The following TMEM41B variants were observed in gnomAD, a reference collection of about 807,000 sequenced individuals.
The protein encoded by TMEM41B is protein stasimon.
In TMEM41B, 18 loss-of-function variants were observed where a neutral mutation model predicts 31.9. The ratio of observed to expected loss-of-function variants is 0.56; its 90% confidence interval spans 0.39 to 0.84. TMEM41B has a LOEUF of 0.84. TMEM41B is among the 40% of genes least tolerant of loss of function. TMEM41B has a pLI of 0.00. For synonymous variants in TMEM41B, 144 were observed against 124.3 expected (o/e 1.16, Z -1.05); for missense variants, 322 against 348.0 (o/e 0.93, Z 0.59).
chr11:9,306,457 C>T (rs367790558), intron 1 of TMEM41B, among the ~76,000 whole-genome samples: 6 of 151,888 alleles, frequency 4.0e-5, no homozygotes, highest in East Asian at 2.0e-4. Flanking sequence ...TCGAGGCGGT[C>T]GGATCATGAG....
intron 1 of TMEM41B, chr11:9,311,560 G>T: frequency 1.7e-6 from 2 of 1,184,354 alleles, no homozygotes; most frequent in Non-Finnish European, 1.2e-6. Context: ...GCTCCTGGGG[G>T]AGGAGGACAG....
At chr11:9,295,156 T>C in intron 3 of TMEM41B, 103 bp downstream of exon 3, 1 of 1,203,160 alleles carries the variant, frequency 8.3e-7, no homozygotes, top group East Asian at 3.0e-5. Flanking sequence ...CACACTGCAA[T>C]AACAAATTTT....
Position 9,294,125 on chromosome 11 carries a change from G to A in TMEM41B, c.368+1134C>T, listed in dbSNP as rs1255701245. The stretch of plus-strand genomic sequence containing the variant: ...GAGCCCAGGAGGCTGAGGCTGCAGT[G>A]AGCCATGATCATGCCACTGCACTCC... On this transcript the variant is annotated intron_variant, in intron 3 of 6. Coordinates refer to ENST00000528080, the MANE Select transcript of TMEM41B (RefSeq NM_015012.4). 2.1e-5 allele frequency among the ~76,000 whole-genome samples: 3 copies of A among 146,180 alleles called. No homozygotes were observed. The East Asian group carries it at 6.1e-4, about 30-fold the overall frequency.
chr11:9,300,739 A>C (rs557856261), intron 1 of TMEM41B, among the ~76,000 whole-genome samples: 1 of 151,876 alleles, frequency 6.6e-6, no homozygotes, highest in Non-Finnish European at 1.5e-5. Context: ...TTAGCTGGGC[A>C]TGGTGGCAGG....
At chr11:9,292,262 T>C (rs537759033) in intron 3 of TMEM41B, among the ~76,000 whole-genome samples, 2 of 152,326 alleles carry the variant, frequency 1.3e-5, no homozygotes, top group African/African-American at 4.8e-5. Context: ...CTATCCTTTA[T>C]CTTATACTAG....
chr11:9,293,236 AG>A (rs1015077914), intron 3 of TMEM41B, among the ~76,000 whole-genome samples: 14 of 151,848 alleles, frequency 9.2e-5, no homozygotes, highest in Admixed American at 2.6e-4. Context: ...CCAAGTAGCT[AG>A]GACTACAGGC....
chr11:9,306,386 T>C (rs906620945), intron 1 of TMEM41B, among the ~76,000 whole-genome samples: 1 of 152,066 alleles, frequency 6.6e-6, no homozygotes, highest in Non-Finnish European at 1.5e-5. Flanking sequence ...GGTACTGTTA[T>C]AGAAAGCCAG....
intron 3 of TMEM41B, among the ~76,000 whole-genome samples, chr11:9,294,305 G>C (rs897466076): frequency 2.0e-5 from 3 of 150,872 alleles, no homozygotes; most frequent in African/African-American, 4.9e-5. Context: ...GACGACCCTG[G>C]CCAACATGGT....
chr11:9,308,538 A>G lies in TMEM41B; in HGVS notation c.121+5783T>C, dbSNP rs541136744. Among the ~76,000 whole-genome samples, 18 of 152,212 alleles carry G rather than the reference A, an allele frequency of 1.2e-4. No homozygotes were observed. In the South Asian group the frequency reaches 3.7e-3, roughly 32 times the overall value. On this transcript the variant is annotated intron_variant, in intron 1 of 6. Coordinates refer to ENST00000528080, the MANE Select transcript of TMEM41B (RefSeq NM_015012.4). Reference sequence around the variant, plus strand: ...CATCTGAACTAGCACCTTTGACTGAAATCCTTATTCTTTCCTTATAGCCAC... The same window carrying G: ...CATCTGAACTAGCACCTTTGACTGAGATCCTTATTCTTTCCTTATAGCCAC...
At chr11:9,305,813 C>CA (rs1313031130) in intron 1 of TMEM41B, among the ~76,000 whole-genome samples, 3 of 151,980 alleles carry the variant, frequency 2.0e-5, no homozygotes, top group Non-Finnish European at 4.4e-5. Flanking sequence ...TTAAAACCTT[C>CA]AAAACCATTA....
intron 2 of TMEM41B, among the ~76,000 whole-genome samples, chr11:9,299,282 CAAAAAAA>C (rs1180036082): frequency 5.0e-4 from 21 of 41,708 alleles, no homozygotes; most frequent in East Asian, 2.0e-3. Flanking sequence ...GACTCTGTCT[CAAAAAAA>C]AAAAAAAAAA....
At chr11:9,311,581 G>T in intron 1 of TMEM41B, 1 of 1,058,078 alleles carries the variant, frequency 9.5e-7, no homozygotes, top group East Asian at 2.4e-5. Context: ...GGGCCTGGGG[G>T]AAAGGGTGGG....
At chr11:9,312,271 C>G (rs1853577347) in intron 1 of TMEM41B, among the ~76,000 whole-genome samples, 1 of 152,238 alleles carries the variant, frequency 6.6e-6, no homozygotes, top group African/African-American at 2.4e-5. Flanking sequence ...GTAATTCCAG[C>G]ATTTGGGGAG....
At chr11:9,313,889 G>T (rs564993075) in intron 1 of TMEM41B, among the ~76,000 whole-genome samples, 20 of 152,266 alleles carry the variant, frequency 1.3e-4, no homozygotes, top group African/African-American at 4.6e-4. Flanking sequence ...CCACCTGGAA[G>T]TATTAAGTCC....
At chr11:9,286,908 G>C (rs962548051) in intron 5 of TMEM41B, among the ~76,000 whole-genome samples, 4 of 152,118 alleles carry the variant, frequency 2.6e-5, no homozygotes, top group African/African-American at 4.8e-5. Context: ...GCTGAGGCAG[G>C]AGAATCGCTT....
At chr11:9,308,780 T>G (rs547516514) in intron 1 of TMEM41B, among the ~76,000 whole-genome samples, 2 of 152,196 alleles carry the variant, frequency 1.3e-5, no homozygotes, top group South Asian at 4.2e-4. Context: ...TAATGATAGG[T>G]TCAGGAAAAA....
rs1852885888 is a variant in TMEM41B at position 9,288,503 on chromosome 11, AAT to A, written c.399_400del (p.Phe134SerfsTer57). ...AAGAAACCCTGAGAGTATACTGAGAAATATAGAGCCTGGAATAGCAAATGTTT... is the reference window on the plus strand; with the variant it reads ...AAGAAACCCTGAGAGTATACTGAGAAATAGAGCCTGGAATAGCAAATGTTT... On this transcript the variant is annotated frameshift_variant, in exon 4 of 7. Coordinates refer to ENST00000528080, the MANE Select transcript of TMEM41B (RefSeq NM_015012.4). LOFTEE classifies it high-confidence loss of function. 6.3e-7 allele frequency: 1 copy of A among 1,594,060 alleles called. No individual in the cohort carries two copies. Among genetic ancestry groups the A allele is most frequent in the Admixed American group, 1.8e-5 (1 of 56,464 alleles).
At chr11:9,299,774 C>A in intron 1 of TMEM41B, 73 bp from the exon 2 acceptor site, 1 of 1,104,212 alleles carries the variant, frequency 9.1e-7, no homozygotes, top group Non-Finnish European at 1.3e-6. Context: ...TCTGTACATG[C>A]TTTCCTTCCA....
chr11:9,309,414 T>C (rs1564968920), intron 1 of TMEM41B, among the ~76,000 whole-genome samples: 2 of 151,838 alleles, frequency 1.3e-5, no homozygotes, highest in Admixed American at 6.6e-5. Context: ...AAAATTCTGA[T>C]ACATAATACC....
Sources: allele counts gnomAD v4.1 joint callset (sites outside exome capture counted in the v4.1 genomes callset), GRCh38; gene constraint gnomAD v4.1.1; transcripts MANE v1.5; gene names NCBI Gene and HGNC (gene_info 2026-07-23, HGNC 2026-07-21).